The following DLGAP1 variants were observed in gnomAD, a reference collection of about 807,000 sequenced individuals.
The protein encoded by DLGAP1 is disks large-associated protein 1.
Under a neutral mutation model 90.8 loss-of-function variants are expected in DLGAP1, and 11 were observed. That is an observed-to-expected ratio of 0.12 (90% CI 0.08 to 0.20). The LOEUF (loss-of-function observed/expected upper bound fraction) is 0.20. Ranked by LOEUF, DLGAP1 falls within the 10% of genes least tolerant of loss-of-function variation. The pLI is 1.00. For missense variants in DLGAP1, 1,050 were observed against 1,333.8 expected (o/e 0.79, Z 3.31); for synonymous variants, 558 against 540.7 (o/e 1.03, Z -0.44).
chr18:4,326,493 A>G (rs984204508), intron 1 of DLGAP1, among the ~76,000 whole-genome samples: 38 of 152,182 alleles, frequency 2.5e-4, no homozygotes, highest in Admixed American at 2.0e-3. Context: ...ATTATTGGAT[A>G]TATACCCAAA....
intron 3 of DLGAP1, among the ~76,000 whole-genome samples, chr18:3,960,651 G>T (rs1293837871): frequency 6.6e-6 from 1 of 152,250 alleles, no homozygotes; most frequent in Non-Finnish European, 1.5e-5. Flanking sequence ...GACATCCGGG[G>T]TGAAGGCGAA....
intron 9 of DLGAP1, among the ~76,000 whole-genome samples, chr18:3,562,494 T>C (rs1057176509): frequency 1.3e-5 from 2 of 151,302 alleles, no homozygotes; most frequent in African/African-American, 4.9e-5. Context: ...TGAGATCTGA[T>C]GGCTTTAAAA....
intron 5 of DLGAP1, among the ~76,000 whole-genome samples, chr18:3,803,397 G>A (rs141050597): frequency 3.7e-4 from 57 of 152,246 alleles, no homozygotes; most frequent in African/African-American, 1.3e-3. Context: ...ACAAACCCCA[G>A]GAGGAGGCCA....
At chr18:3,573,351 A>G (rs1324103092) in intron 8 of DLGAP1, among the ~76,000 whole-genome samples, 1 of 152,044 alleles carries the variant, frequency 6.6e-6, no homozygotes, top group Non-Finnish European at 1.5e-5. Flanking sequence ...AAAATACAAA[A>G]ATTAGCCGGG....
chr18:3,521,843 C>A (rs534693702), intron 10 of DLGAP1, among the ~76,000 whole-genome samples: 1 of 152,292 alleles, frequency 6.6e-6, no homozygotes, highest in South Asian at 2.1e-4. Context: ...CTATATCAAC[C>A]AGAAAAACAA....
intron 9 of DLGAP1, among the ~76,000 whole-genome samples, chr18:3,566,734 C>A (rs1202121777): frequency 6.6e-6 from 1 of 152,102 alleles, no homozygotes; most frequent in African/African-American, 2.4e-5. Context: ...GTTTCTCTCA[C>A]CGTAACTCCA....
intron 1 of DLGAP1, among the ~76,000 whole-genome samples, chr18:4,405,700 C>T (rs564223742): frequency 2.6e-5 from 4 of 152,126 alleles, no homozygotes; most frequent in Non-Finnish European, 5.9e-5. Context: ...ACTGACTTAT[C>T]TTGTGCGCTT....
intron 2 of DLGAP1, among the ~76,000 whole-genome samples, chr18:4,032,530 C>G: frequency 6.6e-6 from 1 of 151,238 alleles, no homozygotes; most frequent in East Asian, 1.9e-4. Flanking sequence ...GGCCTTATAT[C>G]TAATTGTTGG....
At chr18:3,985,629 CA>C (rs2073827073) in intron 3 of DLGAP1, among the ~76,000 whole-genome samples, 1 of 151,610 alleles carries the variant, frequency 6.6e-6, no homozygotes, top group Non-Finnish European at 1.5e-5. Flanking sequence ...TTAATAGATG[CA>C]TTGATAAACC....
At chr18:4,110,747 G>C (rs950723654) in intron 2 of DLGAP1, among the ~76,000 whole-genome samples, 4 of 152,156 alleles carry the variant, frequency 2.6e-5, no homozygotes, top group African/African-American at 9.7e-5. Flanking sequence ...ATTTTTTATT[G>C]AGTAGGGCTA....
chr18:4,010,701 G>A (rs1337298366), intron 2 of DLGAP1, among the ~76,000 whole-genome samples: 1 of 152,064 alleles, frequency 6.6e-6, no homozygotes, highest in Non-Finnish European at 1.5e-5. Context: ...TCCTTTCAGG[G>A]TTGCTCGTTA....
intron 1 of DLGAP1, among the ~76,000 whole-genome samples, chr18:4,191,478 A>G: frequency 6.6e-6 from 1 of 152,162 alleles, no homozygotes; most frequent in East Asian, 1.9e-4. Context: ...GCAATACATT[A>G]TCCAAGCTGT....
intron 2 of DLGAP1, among the ~76,000 whole-genome samples, chr18:4,069,691 T>C (rs1017331635): frequency 1.3e-5 from 2 of 152,168 alleles, no homozygotes; most frequent in African/African-American, 4.8e-5. Context: ...GCTGAGCAGA[T>C]GCCAGCATCA....
intron 1 of DLGAP1, among the ~76,000 whole-genome samples, chr18:4,281,253 G>A (rs1332082881): frequency 6.6e-6 from 1 of 152,130 alleles, no homozygotes; most frequent in Non-Finnish European, 1.5e-5. Flanking sequence ...TTGTTTTCAA[G>A]TTTCTTAAAA....
chr18:4,118,693 G>C (rs2076102822), intron 2 of DLGAP1, among the ~76,000 whole-genome samples: 1 of 151,742 alleles, frequency 6.6e-6, no homozygotes, highest in African/African-American at 2.4e-5. Context: ...TCATTTTCTT[G>C]GTTGCATCTC....
At chr18:4,413,780 C>G (rs991945694) in intron 1 of DLGAP1, among the ~76,000 whole-genome samples, 5 of 152,148 alleles carry the variant, frequency 3.3e-5, no homozygotes, top group Admixed American at 6.6e-5. Flanking sequence ...ATAATGTTCT[C>G]TTTCTTATCT....
intron 1 of DLGAP1, among the ~76,000 whole-genome samples, chr18:4,261,125 A>G (rs1360904684): frequency 1.3e-5 from 2 of 152,244 alleles, no homozygotes; most frequent in East Asian, 3.8e-4. Context: ...GGTATCTAAA[A>G]GGCAGAGTAT....
At chr18:4,257,253 A>G (rs1377917218) in intron 1 of DLGAP1, among the ~76,000 whole-genome samples, 1 of 152,214 alleles carries the variant, frequency 6.6e-6, no homozygotes, top group Non-Finnish European at 1.5e-5. Context: ...TCCAAATGGC[A>G]TGTGGGATGC....
intron 4 of DLGAP1, among the ~76,000 whole-genome samples, chr18:3,842,039 C>G (rs553562486): frequency 5.7e-4 from 82 of 143,476 alleles, no homozygotes; most frequent in African/African-American, 2.1e-3. Context: ...AGAAGGCTTC[C>G]AGGAGGAAAC....
Sources: allele counts gnomAD v4.1 joint callset (sites outside exome capture counted in the v4.1 genomes callset), GRCh38; gene constraint gnomAD v4.1.1; transcripts MANE v1.5; gene names NCBI Gene and HGNC (gene_info 2026-07-23, HGNC 2026-07-21).